Variants in ARHGAP35 observed in about 807,000 individuals in gnomAD.
The protein encoded by ARHGAP35 is rho GTPase-activating protein 35.
Under a neutral mutation model 111.1 loss-of-function variants are expected in ARHGAP35, and 15 were observed. The observed-to-expected ratio is 0.13, with a 90% CI of 0.09 to 0.21. The LOEUF is 0.21. ARHGAP35 is among the 10% of genes least tolerant of loss of function. The pLI is 1.00. For missense variants in ARHGAP35, 1,262 were observed against 1,873.0 expected (o/e 0.67, Z 6.02); for synonymous variants, 643 against 710.3 (o/e 0.91, Z 1.51).
Position 46,862,222 on chromosome 19 carries a change from C to T in ARHGAP35, c.-189+1013C>T, listed in dbSNP as rs540110492. On this transcript the variant is annotated intron_variant, in intron 1 of 6. Transcript: ENST00000672722. ...GCAGCCTCCTCCCCCTTCTCTGACTCTGCAGGTCTCCCATTTCTGCTATTC... is the reference window on the plus strand; with the variant it reads ...GCAGCCTCCTCCCCCTTCTCTGACTTTGCAGGTCTCCCATTTCTGCTATTC... 7.9e-5 allele frequency among the ~76,000 whole-genome samples: 12 copies of T among 152,254 alleles called. No homozygotes were observed. The South Asian group carries it at 1.9e-3, about 24-fold the overall frequency.
chr19:46,907,232 T>C (rs1424751911), intron 1 of ARHGAP35, among the ~76,000 whole-genome samples: 2 of 151,370 alleles, frequency 1.3e-5, no homozygotes. Flanking sequence ...CTGCAAGCTC[T>C]GCCTCCCAGG....
At position 46,994,126 on chromosome 19, in the gene ARHGAP35, C is replaced by T. The variant is rs2056693899; in HGVS notation, c.4036+4451C>T. 6.6e-6 allele frequency among the ~76,000 whole-genome samples: 1 copy of T among 152,132 alleles called. No homozygotes were observed. Among genetic ancestry groups the T allele is most frequent in the African/African-American group, 2.4e-5 (1 of 41,428 alleles). ...GCACACGCCAGGTGTGGGGAGAAGC[C>T]ACCCTGGGCACCTGTACCATGGCGG... is the stretch of plus-strand genomic sequence containing the variant. On this transcript the variant is annotated intron_variant, in intron 5 of 6. Coordinates refer to ENST00000672722, the MANE Select transcript of ARHGAP35 (RefSeq NM_004491.5). This position sits in a 1 kb window ranked among gnomAD's most constrained non-coding sequence, Gnocchi z 5.4.
At chr19:46,962,336 C>T (rs2122273229) in intron 3 of ARHGAP35, among the ~76,000 whole-genome samples, 1 of 152,336 alleles carries the variant, frequency 6.6e-6, no homozygotes, top group East Asian at 1.9e-4. Context: ...AGAGCCCTGG[C>T]CTGCCTTGCC....
At chr19:46,980,750 T>C (rs1210669789) in intron 3 of ARHGAP35, among the ~76,000 whole-genome samples, 1 of 152,204 alleles carries the variant, frequency 6.6e-6, no homozygotes, top group Admixed American at 6.5e-5. Context: ...TCAGATTAGC[T>C]GAGGTCAGGG....
intron 1 of ARHGAP35, among the ~76,000 whole-genome samples, chr19:46,915,975 G>A (rs1040996099): frequency 2.3e-5 from 3 of 129,724 alleles, no homozygotes; most frequent in African/African-American, 6.0e-5. Flanking sequence ...TCGCTCTGTC[G>A]CACAGGCTGG....
At chr19:46,979,579 G>A (rs1250332279) in intron 3 of ARHGAP35, among the ~76,000 whole-genome samples, 1 of 152,204 alleles carries the variant, frequency 6.6e-6, no homozygotes, top group Non-Finnish European at 1.5e-5. Flanking sequence ...GGCAGCAAAT[G>A]CATAGGCAGC....
Position 46,918,618 on chromosome 19 carries a change from C to A in ARHGAP35, c.-58C>A. Reference sequence around the variant, plus strand: ...CTAATAATGTAGGAAGCTGTCTGGTCCATTGGAAACACTAATCTGATCTCA... The same window carrying A: ...CTAATAATGTAGGAAGCTGTCTGGTACATTGGAAACACTAATCTGATCTCA... On this transcript the variant is annotated 5_prime_UTR_variant, in exon 2 of 7. Coordinates refer to ENST00000672722, the MANE Select transcript of ARHGAP35 (RefSeq NM_004491.5). This position sits in a 1 kb window ranked among gnomAD's most constrained non-coding sequence, Gnocchi z 5.4. The A allele has an allele frequency of 6.5e-7, 1 of 1,530,552 alleles. No individual in the cohort carries two copies. The highest frequency in any genetic ancestry group is 8.9e-7 in the Non-Finnish European group (1 of 1,123,348). 94.8% of individuals were successfully genotyped at this position (1,530,552 alleles called of 1,614,324 possible).
In ARHGAP35 at chr19:46,921,619, C is replaced by G. The variant is rs1347433499; in HGVS notation, c.2944C>G (p.Leu982Val). Residue 982 changes from leucine (L) to valine (V), a missense_variant, in exon 2 of 7, where the codon CTG (leucine) becomes GTG (valine). By Grantham distance (32) the Leu-to-Val change is conservative. This residue lies in a region of ARHGAP35 where 579 missense variants were observed against 716.9 expected (regional missense o/e 0.81). Coordinates refer to ENST00000672722, the MANE Select transcript of ARHGAP35 (RefSeq NM_004491.5). The surrounding 1 kb of genome is among the most constrained non-coding windows in gnomAD (Gnocchi z 4.3). ...AGGATCACCGCTCTGCAACTCAAACCTGCAGGATTCAGAAGAAGATATCGA... is the reference window on the plus strand; with the variant it reads ...AGGATCACCGCTCTGCAACTCAAACGTGCAGGATTCAGAAGAAGATATCGA... ...RAGSPLCNSN[L>V]QDSEEDIEPS... The G allele has an allele frequency of 6.2e-7, 1 of 1,613,864 alleles. No homozygotes were observed. The highest frequency in any genetic ancestry group is 1.3e-5 in the African/African-American group (1 of 74,922).
At chr19:46,877,629 G>A (rs2055932912) in intron 1 of ARHGAP35, among the ~76,000 whole-genome samples, 1 of 152,150 alleles carries the variant, frequency 6.6e-6, no homozygotes. Flanking sequence ...TGTAGTCTAA[G>A]TGTGCAGTAT....
At chr19:46,878,249 C>G (rs528378469) in intron 1 of ARHGAP35, among the ~76,000 whole-genome samples, 1 of 152,232 alleles carries the variant, frequency 6.6e-6, no homozygotes, top group South Asian at 2.1e-4. Context: ...TCTCAAACTC[C>G]TGACCTCAAG....
intron 1 of ARHGAP35, among the ~76,000 whole-genome samples, chr19:46,916,623 A>G (rs1390212152): frequency 6.6e-6 from 1 of 151,780 alleles, no homozygotes; most frequent in African/African-American, 2.4e-5. Flanking sequence ...TGTCAGGGAA[A>G]CCATCTCGTA....
intron 5 of ARHGAP35, among the ~76,000 whole-genome samples, chr19:46,990,541 C>G (rs965490832): frequency 6.6e-6 from 1 of 152,220 alleles, no homozygotes; most frequent in Non-Finnish European, 1.5e-5. Flanking sequence ...AGTGTCTCTG[C>G]TAGCTGCCCA....
chr19:46,925,538 C>T (rs1051291578), intron 2 of ARHGAP35, among the ~76,000 whole-genome samples: 2 of 152,156 alleles, frequency 1.3e-5, no homozygotes, highest in Non-Finnish European at 2.9e-5. Flanking sequence ...GTGCCAGGCA[C>T]CATAGGGAAA....
At chr19:46,980,165 A>G (rs1407056339) in intron 3 of ARHGAP35, among the ~76,000 whole-genome samples, 1 of 152,088 alleles carries the variant, frequency 6.6e-6, no homozygotes, top group Non-Finnish European at 1.5e-5. Flanking sequence ...TGGGCGGACC[A>G]CCTGAGGTCA....
In ARHGAP35 at chr19:46,908,969, G is replaced by C. The variant is rs1259870464; in HGVS notation, c.-188-9519G>C. 6.6e-6 allele frequency among the ~76,000 whole-genome samples: 1 copy of C among 152,058 alleles called. No homozygotes were observed. The highest frequency in any genetic ancestry group is 1.5e-5 in the Non-Finnish European group (1 of 68,022). ...GGGACATTTGCAAAAATTATAAATGGAATGTCAGAGAATCTTTCATAGCTA... is the reference window on the plus strand; with the variant it reads ...GGGACATTTGCAAAAATTATAAATGCAATGTCAGAGAATCTTTCATAGCTA... On this transcript the variant is annotated intron_variant, in intron 1 of 6. Transcript: ENST00000672722. The surrounding 1 kb of genome is among the most constrained non-coding windows in gnomAD (Gnocchi z 4.2).
In ARHGAP35 at chr19:46,918,849, C is replaced by T. The variant is rs758568895; in HGVS notation, c.174C>T (p.Leu58=). ...TTCACTTGGACCATACCTCCGTCCT[C>T]AGCACCAGTGACTTTGGAGGGCGAG... is the stretch of plus-strand genomic sequence containing the variant. The part of the protein sequence containing the change: ...DEFHLDHTSV[L]STSDFGGRVV... The change falls in exon 2 of 7, where the codon CTC becomes CTT. Residue 58 remains leucine (L), a synonymous_variant. Coordinates refer to ENST00000672722, the MANE Select transcript of ARHGAP35 (RefSeq NM_004491.5). The surrounding 1 kb of genome is among the most constrained non-coding windows in gnomAD (Gnocchi z 5.4). 6.2e-7 allele frequency: 1 copy of T among 1,613,994 alleles called. No individual in the cohort carries two copies. The highest frequency in any genetic ancestry group is 1.7e-5 in the Admixed American group (1 of 60,012).
chr19:46,892,166 G>T (rs1423895802), intron 1 of ARHGAP35, among the ~76,000 whole-genome samples: 2 of 149,388 alleles, frequency 1.3e-5, no homozygotes, highest in African/African-American at 4.9e-5. Context: ...AGCCAGGCCT[G>T]GTGGCATGCC....
Position 46,945,918 on chromosome 19 carries a change from G to A in ARHGAP35, c.3826+8510G>A, listed in dbSNP as rs1170519733. Among the ~76,000 whole-genome samples, 1 of 152,168 alleles carries A rather than the reference G, an allele frequency of 6.6e-6. No individual in the cohort carries two copies. The highest frequency in any genetic ancestry group is 1.5e-5 in the Non-Finnish European group (1 of 68,030). The stretch of plus-strand genomic sequence containing the variant: ...CTTTCTTAATTGGTTTGCTTACTGA[G>A]ATGACCAACCCTCCACATCTCTAGC... On this transcript the variant is annotated intron_variant, in intron 3 of 6. Transcript: ENST00000672722. This position sits in a 1 kb window ranked among gnomAD's most constrained non-coding sequence, Gnocchi z 4.1.
intron 1 of ARHGAP35, among the ~76,000 whole-genome samples, chr19:46,868,829 T>G (rs973719169): frequency 6.7e-6 from 1 of 149,134 alleles, no homozygotes; most frequent in Non-Finnish European, 1.5e-5. Flanking sequence ...AAATAAAAAT[T>G]AAAAGAAACA....
Sources: allele counts gnomAD v4.1 joint callset (sites outside exome capture counted in the v4.1 genomes callset), GRCh38; gene constraint gnomAD v4.1.1; regional missense constraint gnomAD v4.1.1; non-coding constraint Gnocchi (gnomAD v3.1); transcripts MANE v1.5; gene names NCBI Gene and HGNC (gene_info 2026-07-23, HGNC 2026-07-21).